Variants in PWP1 observed in about 807,000 individuals in gnomAD.
PWP1 encodes the protein PWP1 homolog, endonuclein, also known as periodic tryptophan protein 1 homolog.
PWP1 carries 47 observed loss-of-function variants against 69.9 expected under a neutral mutation model. The observed-to-expected ratio is 0.67, with a 90% confidence interval of 0.53 to 0.86. PWP1 has a LOEUF of 0.86. Ranked by LOEUF, PWP1 falls within the 40% of genes least tolerant of loss-of-function variation. PWP1 has a pLI of 0.00. For synonymous variants in PWP1, 222 were observed against 208.2 expected, an observed-to-expected ratio of 1.07 and a Z score of -0.57; for missense variants, 551 against 608.8, an observed-to-expected ratio of 0.91 and a Z score of 1.00.
intron 7 of PWP1, 52 bp from the exon 8 acceptor site, chr12:107,699,321 T>G: frequency 7.3e-7 from 1 of 1,371,982 alleles, no homozygotes. Context: ...TATATTCAGT[T>G]TTATTATGAG....
At chr12:107,705,922 G>T (rs1273345393) in intron 11 of PWP1, among the ~76,000 whole-genome samples, 4 of 152,178 alleles carry the variant, frequency 2.6e-5, no homozygotes, top group Non-Finnish European at 5.9e-5. Flanking sequence ...CCAGTAATGG[G>T]ATGGCTGGGT....
intron 1 of PWP1, 116 bp downstream of exon 1, chr12:107,686,087 G>A: frequency 8.8e-7 from 1 of 1,140,288 alleles, no homozygotes; most frequent in Non-Finnish European, 1.3e-6. Flanking sequence ...GACTGGCTGG[G>A]GTGAGGGCGG....
chr12:107,686,220 C>T, intron 1 of PWP1: 2 of 574,614 alleles, frequency 3.5e-6, no homozygotes, highest in Non-Finnish European at 3.1e-6. Context: ...CTCCCAAATT[C>T]GCACGCACAT....
chr12:107,705,808 A>G (rs1889812193), intron 11 of PWP1, among the ~76,000 whole-genome samples: 3 of 152,026 alleles, frequency 2.0e-5, no homozygotes, highest in African/African-American at 7.3e-5. Flanking sequence ...AGTCTTTTCT[A>G]TCGTGAATAG....
In PWP1 at chr12:107,712,922, T is replaced by TAAGTA. The variant is rs1182256998; in HGVS notation, c.*703_*707dup. 1.3e-5 allele frequency: 2 copies of TAAGTA among 152,208 alleles called. No homozygotes were observed. Among genetic ancestry groups the TAAGTA allele is most frequent in the African/African-American group, 4.8e-5 (2 of 41,448 alleles). 9.4% of individuals were successfully genotyped at this position (152,208 alleles called of 1,614,324 possible). On this transcript the variant is annotated 3_prime_UTR_variant, in exon 15 of 15. Transcript: ENST00000412830. ...TTTTAATTATAGATTGTCTTCCTATTAAGTATGAGTTTTAGTAGGCATTAA... is the reference window on the plus strand; with the variant it reads ...TTTTAATTATAGATTGTCTTCCTATTAAGTAAAGTATGAGTTTTAGTAGGCATTAA...
chr12:107,706,922 T>G (rs1889835761), intron 11 of PWP1, among the ~76,000 whole-genome samples: 2 of 152,188 alleles, frequency 1.3e-5, no homozygotes, highest in Admixed American at 6.5e-5. Flanking sequence ...AGTAGTTGTT[T>G]CCAATTCTGT....
At chr12:107,703,110 A>G in intron 9 of PWP1, 79 bp downstream of exon 9, 2 of 1,036,032 alleles carry the variant, frequency 1.9e-6, no homozygotes, top group Non-Finnish European at 3.0e-6. Context: ...AAACGTTTAT[A>G]TATGGCTTTG....
At chr12:107,703,775 A>ACT in intron 10 of PWP1, 29 bp downstream of exon 10, 1 of 1,557,164 alleles carries the variant, frequency 6.4e-7, no homozygotes, top group East Asian at 2.2e-5. Context: ...AATGATTGCT[A>ACT]CTCTGTTTTT....
At chr12:107,696,723 T>G in intron 6 of PWP1, 139 bp downstream of exon 6, 1 of 1,374,114 alleles carries the variant, frequency 7.3e-7, no homozygotes, top group Non-Finnish European at 9.7e-7. Context: ...TATGAAGTTA[T>G]AGAGTTCTTA....
intron 7 of PWP1, 74 bp downstream of exon 7, chr12:107,697,671 A>G (rs1889619104): frequency 1.4e-6 from 2 of 1,400,946 alleles, no homozygotes; most frequent in East Asian, 2.3e-5. Context: ...GAAGGGTAAG[A>G]CCGTACACTT....
chr12:107,698,595 T>C (rs1243814966), intron 7 of PWP1, among the ~76,000 whole-genome samples: 2 of 152,216 alleles, frequency 1.3e-5, no homozygotes, highest in African/African-American at 4.8e-5. Context: ...TATTTTTCTT[T>C]TTTAAAGAGG....
intron 5 of PWP1, among the ~76,000 whole-genome samples, chr12:107,695,824 AAAT>A (rs1171851049): frequency 2.0e-5 from 3 of 152,186 alleles, no homozygotes; most frequent in African/African-American, 7.2e-5. Flanking sequence ...TTAAAAGATA[AAAT>A]AATAACTACT....
In PWP1 at chr12:107,693,004, A is replaced by G; in HGVS notation, c.410A>G (p.Gln137Arg). Residue 137 changes from glutamine (Q) to arginine (R), a missense_variant, in exon 5 of 15, where the codon CAA becomes CGA. By Grantham distance (43) the Gln-to-Arg change is conservative. Transcript: ENST00000412830. ...DPYVTLKDTE[Q>R]YEREDFLIKP... is the part of the protein sequence containing the mutation. ...CATTTTTTTCCTCTCACTTAGGAACAATATGAACGTGAAGATTTCTTGATT... is the reference window on the plus strand; with the variant it reads ...CATTTTTTTCCTCTCACTTAGGAACGATATGAACGTGAAGATTTCTTGATT... 6.2e-7 allele frequency: 1 copy of G among 1,614,136 alleles called. No individual in the cohort carries two copies. Among genetic ancestry groups the G allele is most frequent in the Non-Finnish European group, 8.5e-7 (1 of 1,180,002 alleles).
chr12:107,710,312 T>G (rs765512436), intron 13 of PWP1, 93 bp from the exon 14 acceptor site: 19 of 1,528,530 alleles, frequency 1.2e-5, no homozygotes, highest in Non-Finnish European at 1.4e-5. Flanking sequence ...GAATAACCAT[T>G]TAAATCATAG....
chr12:107,710,492 A>G lies in PWP1; in HGVS notation c.1378A>G (p.Ile460Val), dbSNP rs1889928302. ...AAAAGAAGGGCTTCGGGTCTGGGAT[A>G]TAAGCACAGTCTCTTCAGGTAAGGA... ...GQKEGLRVWD[I>V]STVSSVNEAF... is the part of the protein sequence containing the mutation. Residue 460 changes from isoleucine (I) to valine (V), a missense_variant, in exon 14 of 15, where the codon ATA (isoleucine) becomes GTA (valine). By Grantham distance (29) the Ile-to-Val change is conservative. Transcript: ENST00000412830. 1 of 1,604,198 alleles carries G rather than the reference A, an allele frequency of 6.2e-7. No homozygotes were observed.
chr12:107,710,224 T>C (rs1469959925), intron 13 of PWP1, among the ~76,000 whole-genome samples, 181 bp from the exon 14 acceptor site: 1 of 152,204 alleles, frequency 6.6e-6, no homozygotes, highest in African/African-American at 2.4e-5. Flanking sequence ...TGGCTTCATA[T>C]TGTAGTACTA....
In PWP1 at chr12:107,688,760, G is replaced by C; in HGVS notation, c.277G>C (p.Ala93Pro). 1 of 1,614,156 alleles carries C rather than the reference G, an allele frequency of 6.2e-7. No homozygotes were observed. Among genetic ancestry groups the C allele is most frequent in the Non-Finnish European group, 8.5e-7 (1 of 1,180,026 alleles). ...CAGGACGCTTGATGATGATGAGCTG[G>C]CTGAGTACGACTTAGATAAATATGA... ...DDRTLDDDELAEYDLDKYDEE... is the reference protein window; with the variant it reads ...DDRTLDDDELPEYDLDKYDEE... Residue 93 changes from alanine to proline, a missense_variant, in exon 3 of 15, where the codon GCT (alanine) becomes CCT (proline). Transcript: ENST00000412830.
intron 3 of PWP1, among the ~76,000 whole-genome samples, chr12:107,692,529 A>G (rs1889500147): frequency 1.3e-5 from 2 of 152,188 alleles, no homozygotes; most frequent in African/African-American, 4.8e-5. Context: ...AGAGAATCTC[A>G]AGAGAGTTCT....
intron 1 of PWP1, among the ~76,000 whole-genome samples, chr12:107,686,753 T>A (rs1593139139): frequency 6.6e-6 from 1 of 151,920 alleles, no homozygotes; most frequent in Non-Finnish European, 1.5e-5. Context: ...GATCACGAGG[T>A]CAGGAGATCG....
Sources: gnomAD v4.1 joint callset for allele counts (sites outside exome capture counted in the v4.1 genomes callset) on GRCh38, gnomAD v4.1.1 for gene constraint, MANE v1.5 for transcripts, NCBI Gene and HGNC (gene_info 2026-07-23, HGNC 2026-07-21) for gene names.